RBMS1: variants seen among roughly 807,000 people sequenced by gnomAD.
RBMS1 encodes the protein RNA-binding motif, single-stranded-interacting protein 1.
In RBMS1, 17 loss-of-function variants were observed where a neutral mutation model predicts 62.3. The observed-to-expected ratio is 0.27, with a 90% CI of 0.19 to 0.41. The LOEUF is 0.41. Among genes scored for constraint, RBMS1 ranks in the 10% least tolerant of loss-of-function variants. RBMS1 has a pLI of 1.00. For missense variants in RBMS1, 334 were observed against 504.5 expected (o/e 0.66, Z 3.24); for synonymous variants, 172 against 170.0 (o/e 1.01, Z -0.09).
rs1272077732 is a variant in RBMS1 at position 160,323,412 on chromosome 2, G to T, written c.252-5185C>A. Among the ~76,000 whole-genome samples, 5 of 151,774 alleles carry T rather than the reference G, an allele frequency of 3.3e-5. 1 individual carries two copies. Among genetic ancestry groups the T allele is most frequent in the African/African-American group, 1.2e-4 (5 of 41,302 alleles). On this transcript the variant is annotated intron_variant, in intron 2 of 13. Transcript: ENST00000348849. ...GATCACTTGGGCCTGGGAGGCAGAGGTTGCAATGAGCCAGGACTGCGTCAC... is the reference window on the plus strand; with the variant it reads ...GATCACTTGGGCCTGGGAGGCAGAGTTTGCAATGAGCCAGGACTGCGTCAC...
chr2:160,281,990 G>C (rs986856160), intron 9 of RBMS1: 2 of 308,166 alleles, frequency 6.5e-6, no homozygotes, highest in Non-Finnish European at 1.3e-5. Context: ...CATCCACACA[G>C]TAGACCCTCT....
At chr2:160,367,647 T>C (rs1305348399) in intron 1 of RBMS1, 5 of 421,578 alleles carry the variant, frequency 1.2e-5, no homozygotes, top group Non-Finnish European at 1.9e-5. Context: ...TAACATTAAT[T>C]TATTCACACA....
intron 1 of RBMS1, among the ~76,000 whole-genome samples, chr2:160,446,204 G>A (rs1004642227): frequency 6.6e-6 from 1 of 152,080 alleles, no homozygotes. Flanking sequence ...ATAAGCAGAG[G>A]CTCCAAAAGT....
chr2:160,285,170 T>G, intron 7 of RBMS1, 126 bp from the exon 8 acceptor site: 1 of 872,358 alleles, frequency 1.1e-6, no homozygotes, highest in South Asian at 1.5e-5. Context: ...GGTGGGAAGA[T>G]CCTTTTGAAG....
At chr2:160,317,102 G>A (rs1457426667) in intron 3 of RBMS1, among the ~76,000 whole-genome samples, 3 of 152,162 alleles carry the variant, frequency 2.0e-5, no homozygotes, top group Admixed American at 2.0e-4. Flanking sequence ...AATGTGCCAT[G>A]TTGATTAAAC....
chr2:160,286,863 CAG>C, intron 7 of RBMS1, 104 bp downstream of exon 7: 1 of 1,558,162 alleles, frequency 6.4e-7, no homozygotes, highest in Non-Finnish European at 8.7e-7. Context: ...GCACCTATTT[CAG>C]AAGTGTGCAG....
At chr2:160,341,707 C>T (rs1416415261) in intron 2 of RBMS1, among the ~76,000 whole-genome samples, 1 of 152,172 alleles carries the variant, frequency 6.6e-6, no homozygotes, top group African/African-American at 2.4e-5. Context: ...GGCAGTTGTG[C>T]TGTGCTACCA....
At chr2:160,431,631 T>C (rs1417609858) in intron 1 of RBMS1, among the ~76,000 whole-genome samples, 1 of 151,848 alleles carries the variant, frequency 6.6e-6, no homozygotes, top group Non-Finnish European at 1.5e-5. Flanking sequence ...TCTCCAGTAC[T>C]ATCTTGCACT....
At chr2:160,356,132 G>A (rs1044082828) in intron 2 of RBMS1, among the ~76,000 whole-genome samples, 7 of 152,014 alleles carry the variant, frequency 4.6e-5, no homozygotes, top group Non-Finnish European at 1.0e-4. Flanking sequence ...CCTCTCAGGC[G>A]CCTAGCAAAT....
intron 6 of RBMS1, among the ~76,000 whole-genome samples, chr2:160,299,882 T>A (rs1452984863): frequency 6.6e-6 from 1 of 152,188 alleles, no homozygotes; most frequent in East Asian, 1.9e-4. Context: ...AGCAATTGAT[T>A]AAGCTGAAGA....
chr2:160,387,178 T>C (rs1290614370), intron 1 of RBMS1, among the ~76,000 whole-genome samples: 1 of 152,148 alleles, frequency 6.6e-6, no homozygotes, highest in South Asian at 2.1e-4. Context: ...CTATATATGG[T>C]TGTCAGTATA....
At chr2:160,470,336 T>G (rs1684865977) in intron 1 of RBMS1, among the ~76,000 whole-genome samples, 1 of 152,218 alleles carries the variant, frequency 6.6e-6, no homozygotes, top group Non-Finnish European at 1.5e-5. Flanking sequence ...TGTTGTCCTC[T>G]TCCTTTTTCC....
intron 1 of RBMS1, among the ~76,000 whole-genome samples, chr2:160,483,217 TA>T (rs1483926353): frequency 9.2e-5 from 14 of 152,316 alleles, no homozygotes; most frequent in African/African-American, 3.1e-4. Flanking sequence ...TTTTTGTGAT[TA>T]TTTTTTAGGT....
intron 1 of RBMS1, among the ~76,000 whole-genome samples, chr2:160,377,868 C>T (rs1207527326): frequency 1.3e-5 from 2 of 152,192 alleles, no homozygotes; most frequent in African/African-American, 4.8e-5. Context: ...TACAGCTAAT[C>T]AGAGGGAGAA....
At chr2:160,413,395 G>C (rs897180590) in intron 1 of RBMS1, among the ~76,000 whole-genome samples, 6 of 152,030 alleles carry the variant, frequency 3.9e-5, no homozygotes, top group Non-Finnish European at 7.4e-5. Context: ...TTCTTTCCTC[G>C]TACAAAATAG....
intron 1 of RBMS1, among the ~76,000 whole-genome samples, chr2:160,463,348 T>C (rs1215621393): frequency 6.6e-6 from 1 of 152,164 alleles, no homozygotes; most frequent in Non-Finnish European, 1.5e-5. Context: ...AACATGCCTC[T>C]CAAAAAACAT....
At chr2:160,367,412 G>T in intron 1 of RBMS1, 21 bp from the exon 2 acceptor site, 2 of 1,613,434 alleles carry the variant, frequency 1.2e-6, no homozygotes, top group Non-Finnish European at 1.7e-6. Flanking sequence ...AAGATCAGGA[G>T]CCTTAGTATG....
intron 1 of RBMS1, among the ~76,000 whole-genome samples, chr2:160,441,285 T>C (rs1683399765): frequency 6.6e-6 from 1 of 152,258 alleles, no homozygotes; most frequent in Non-Finnish European, 1.5e-5. Flanking sequence ...ATTTGGATTG[T>C]TTCCAGTTTG....
chr2:160,475,501 C>T (rs1021417096), intron 1 of RBMS1, among the ~76,000 whole-genome samples: 1 of 152,226 alleles, frequency 6.6e-6, no homozygotes, highest in Non-Finnish European at 1.5e-5. Context: ...CTGCTCCCAC[C>T]CTTTGCTCTT....
Sources: allele counts gnomAD v4.1 joint callset (sites outside exome capture counted in the v4.1 genomes callset), GRCh38; gene constraint gnomAD v4.1.1; transcripts MANE v1.5; gene names NCBI Gene and HGNC (gene_info 2026-07-23, HGNC 2026-07-21).